Variants in TMEM181 observed in about 807,000 individuals in gnomAD.
The protein encoded by TMEM181 is G protein-coupled receptor 178.
In TMEM181, 39 loss-of-function variants were observed where a neutral mutation model predicts 71.9. That is an observed-to-expected ratio of 0.54 (90% CI 0.42 to 0.71). The LOEUF (loss-of-function observed/expected upper bound fraction) is 0.71, where lower values mean the gene tolerates loss of function less well. TMEM181 is among the 30% of genes least tolerant of loss of function. TMEM181 has a pLI of 0.00. For missense variants in TMEM181, 595 were observed against 583.0 expected, an observed-to-expected ratio of 1.02 and a Z score of -0.21; for synonymous variants, 245 against 228.8, an observed-to-expected ratio of 1.07 and a Z score of -0.64.
At chr6:158,587,199 T>C (rs1006719563) in intron 5 of TMEM181, among the ~76,000 whole-genome samples, 1 of 152,214 alleles carries the variant, frequency 6.6e-6, no homozygotes, top group Non-Finnish European at 1.5e-5. Flanking sequence ...TGGGTTGCCC[T>C]ACCTAAAGCC....
At chr6:158,545,980 G>C (rs1437067496) in intron 1 of TMEM181, among the ~76,000 whole-genome samples, 2 of 152,236 alleles carry the variant, frequency 1.3e-5, no homozygotes, top group Non-Finnish European at 2.9e-5. Context: ...AGGACTTAAA[G>C]ACGGAGTTTT....
chr6:158,615,949 A>C (rs1335526666), intron 10 of TMEM181, among the ~76,000 whole-genome samples: 1 of 152,040 alleles, frequency 6.6e-6, no homozygotes, highest in Non-Finnish European at 1.5e-5. Context: ...TTTGCTTAGG[A>C]TTGTCTTGGC....
At chr6:158,608,270 G>A (rs1785075165) in intron 8 of TMEM181, 63 bp from the exon 9 acceptor site, 19 of 1,571,498 alleles carry the variant, frequency 1.2e-5, no homozygotes, top group Non-Finnish European at 1.6e-5. Flanking sequence ...GAGGTATGGG[G>A]TGCTGTCTGC....
intron 1 of TMEM181, among the ~76,000 whole-genome samples, chr6:158,537,579 G>C (rs998255105): frequency 6.6e-6 from 1 of 152,192 alleles, no homozygotes; most frequent in Non-Finnish European, 1.5e-5. Context: ...AGGAAAGTCT[G>C]TTCACCGCCA....
chr6:158,603,876 A>G (rs188497603), intron 6 of TMEM181, among the ~76,000 whole-genome samples: 25 of 152,074 alleles, frequency 1.6e-4, no homozygotes, highest in Admixed American at 4.6e-4. Flanking sequence ...GCTAGGTTTT[A>G]TATCTTATAA....
chr6:158,608,827 G>A, intron 10 of TMEM181, 77 bp downstream of exon 10: 2 of 1,368,638 alleles, frequency 1.5e-6, no homozygotes, highest in Middle Eastern at 1.8e-4. Context: ...GCCAGGCGTA[G>A]TGGCTCACGC....
At chr6:158,570,498 C>T (rs1476216536) in intron 1 of TMEM181, among the ~76,000 whole-genome samples, 2 of 152,076 alleles carry the variant, frequency 1.3e-5, no homozygotes, top group African/African-American at 4.8e-5. Flanking sequence ...GCCTTGGCCT[C>T]CCAAAGTGCT....
chr6:158,585,190 C>T (rs1012528988), intron 4 of TMEM181, 114 bp from the exon 5 acceptor site: 11 of 1,192,980 alleles, frequency 9.2e-6, no homozygotes, highest in Middle Eastern at 4.2e-4. Context: ...CCAATGTGGC[C>T]TAAGGACCTT....
chr6:158,539,471 G>A (rs1781256953), intron 1 of TMEM181, among the ~76,000 whole-genome samples: 1 of 152,142 alleles, frequency 6.6e-6, no homozygotes, highest in South Asian at 2.1e-4. Flanking sequence ...TCTTCTCACC[G>A]TCTTCATTTC....
chr6:158,624,221 C>T lies in TMEM181; in HGVS notation c.954+614C>T, dbSNP rs1786136446. ...GCTCTGGAACAGACCCCAGGGCCCA[C>T]GTCTGTTGCTGAAGGAGACACCGGA... On this transcript the variant is annotated intron_variant, in intron 11 of 16. Coordinates refer to ENST00000684151, the MANE Select transcript of TMEM181 (RefSeq NM_001376852.1). Among the ~76,000 whole-genome samples the T allele has an allele frequency of 1.3e-5, 2 of 152,170 alleles. 1 individual carries two copies. Among genetic ancestry groups the T allele is most frequent in the South Asian group, 4.1e-4 (2 of 4,830 alleles).
At chr6:158,592,086 C>T (rs538476675) in intron 6 of TMEM181, among the ~76,000 whole-genome samples, 66 of 152,300 alleles carry the variant, frequency 4.3e-4, no homozygotes, top group Non-Finnish European at 6.2e-4. Flanking sequence ...GAAAGACAGC[C>T]CTTGAGACCC....
chr6:158,572,947 G>T (rs1782949606), intron 1 of TMEM181, among the ~76,000 whole-genome samples: 1 of 151,900 alleles, frequency 6.6e-6, no homozygotes, highest in African/African-American at 2.4e-5. Flanking sequence ...AGAGGGAGGA[G>T]TGTGGTGCTG....
chr6:158,564,218 T>G (rs747342857), intron 1 of TMEM181, among the ~76,000 whole-genome samples: 8 of 152,216 alleles, frequency 5.3e-5, no homozygotes, highest in Non-Finnish European at 8.8e-5. Flanking sequence ...AGGAAAGATT[T>G]TAGTGAGGGG....
At chr6:158,630,634 T>C (rs1562318034) in intron 15 of TMEM181, among the ~76,000 whole-genome samples, 2 of 152,058 alleles carry the variant, frequency 1.3e-5, no homozygotes, top group South Asian at 2.1e-4. Flanking sequence ...GACTTCACGA[T>C]ATTTTCAACC....
intron 1 of TMEM181, among the ~76,000 whole-genome samples, chr6:158,572,998 C>A (rs1485665995): frequency 6.6e-6 from 1 of 151,916 alleles, no homozygotes; most frequent in Non-Finnish European, 1.5e-5. Context: ...CAGTGTCACC[C>A]CCATAGGCCG....
At chr6:158,556,933 T>C (rs1206694305), upstream of TMEM181, among the ~76,000 whole-genome samples, 1 of 152,178 alleles carries the variant, frequency 6.6e-6, no homozygotes, top group Admixed American at 6.5e-5. Context: ...CAGGTAATTT[T>C]TGTATTTTGT....
chr6:158,628,092 G>A (rs1786429852), intron 13 of TMEM181, among the ~76,000 whole-genome samples: 1 of 152,202 alleles, frequency 6.6e-6, no homozygotes, highest in Non-Finnish European at 1.5e-5. Flanking sequence ...AGAGCAGGGA[G>A]GAAATGTGCC....
upstream of TMEM181, among the ~76,000 whole-genome samples, chr6:158,555,401 G>T (rs1427427411): frequency 2.6e-5 from 4 of 152,252 alleles, no homozygotes; most frequent in Non-Finnish European, 4.4e-5. Context: ...TAAAAGAGAT[G>T]ATCCTTAGGC....
chr6:158,595,176 G>A (rs1409206766), intron 6 of TMEM181, among the ~76,000 whole-genome samples: 2 of 152,102 alleles, frequency 1.3e-5, no homozygotes, highest in East Asian at 3.9e-4. Context: ...ATGGATTTCT[G>A]GTATAATTAT....
Sources: gnomAD v4.1 joint callset for allele counts (sites outside exome capture counted in the v4.1 genomes callset) on GRCh38, gnomAD v4.1.1 for gene constraint, MANE v1.5 for transcripts, NCBI Gene and HGNC (gene_info 2026-07-23, HGNC 2026-07-21) for gene names.